JAK1: variants seen among roughly 807,000 people sequenced by gnomAD.
JAK1 encodes tyrosine-protein kinase JAK1.
JAK1 carries 16 observed loss-of-function variants against 136.6 expected under a neutral mutation model. The ratio of observed to expected loss-of-function variants is 0.12; its 90% CI spans 0.08 to 0.18. The LOEUF (loss-of-function observed/expected upper bound fraction) is 0.18, where lower values mean the gene tolerates loss of function less well. Among genes scored for constraint, JAK1 ranks in the 10% least tolerant of loss-of-function variants. The pLI, the probability that JAK1 is intolerant of heterozygous loss-of-function variation, is 1.00. For missense variants in JAK1, 859 were observed against 1,450.1 expected (o/e 0.59, Z 6.62); for synonymous variants, 492 against 519.5 (o/e 0.95, Z 0.72).
chr1:65,021,904 A>G (rs1646940994), intron 2 of JAK1, among the ~76,000 whole-genome samples: 1 of 152,162 alleles, frequency 6.6e-6, no homozygotes, highest in South Asian at 2.1e-4. Flanking sequence ...CAGCCTCCTG[A>G]CTTTCAGACT....
At chr1:64,979,406 A>C (rs1025117238) in intron 2 of JAK1, among the ~76,000 whole-genome samples, 1 of 152,210 alleles carries the variant, frequency 6.6e-6, no homozygotes, top group African/African-American at 2.4e-5. Flanking sequence ...TTCTAAAAAA[A>C]AGAAATAAAA....
chr1:64,899,729 C>A (rs1204140687), intron 1 of JAK1, among the ~76,000 whole-genome samples: 1 of 152,186 alleles, frequency 6.6e-6, no homozygotes, highest in Non-Finnish European at 1.5e-5. Flanking sequence ...TGGTCTCAAG[C>A]ATTTCAGATA....
intron 2 of JAK1, among the ~76,000 whole-genome samples, chr1:65,006,226 T>C (rs1178661649): frequency 6.6e-6 from 1 of 152,264 alleles, no homozygotes. Flanking sequence ...TAGTTCACTA[T>C]GTCATAAACT....
chr1:64,925,254 A>G (rs1220889237), intron 1 of JAK1, among the ~76,000 whole-genome samples: 1 of 151,922 alleles, frequency 6.6e-6, no homozygotes, highest in African/African-American at 2.4e-5. Context: ...AAAAAATACA[A>G]AAAGTTAGCA....
intron 2 of JAK1, among the ~76,000 whole-genome samples, chr1:64,980,232 G>A (rs1318397139): frequency 6.6e-6 from 1 of 152,146 alleles, no homozygotes; most frequent in Non-Finnish European, 1.5e-5. Context: ...CCTGGACTGT[G>A]GAAGTGTAAA....
chr1:64,995,745 T>G (rs1274174161), intron 2 of JAK1, among the ~76,000 whole-genome samples: 2 of 152,178 alleles, frequency 1.3e-5, no homozygotes, highest in Admixed American at 1.3e-4. Flanking sequence ...TTTTGTTTTG[T>G]TTTGTTTTTG....
chr1:64,843,983 C>G, intron 17 of JAK1, 81 bp downstream of exon 17: 2 of 1,526,588 alleles, frequency 1.3e-6, no homozygotes, highest in South Asian at 2.4e-5. Context: ...CCCACAGTGC[C>G]AGGCTTCCGA....
intron 2 of JAK1, among the ~76,000 whole-genome samples, chr1:65,030,148 T>C (rs1460205096): frequency 6.6e-6 from 1 of 152,080 alleles, no homozygotes; most frequent in Non-Finnish European, 1.5e-5. Context: ...ATACCAGCAC[T>C]CTCTCTGCAA....
chr1:65,026,116 CTT>C (rs1321595951), intron 2 of JAK1, among the ~76,000 whole-genome samples: 2 of 152,186 alleles, frequency 1.3e-5, no homozygotes, highest in African/African-American at 4.8e-5. Context: ...TGGGTCATAA[CTT>C]TGTCTACATG....
chr1:64,890,501 G>A (rs899841778), intron 1 of JAK1, among the ~76,000 whole-genome samples: 1 of 152,184 alleles, frequency 6.6e-6, no homozygotes, highest in Non-Finnish European at 1.5e-5. Flanking sequence ...ATCCTGCCTA[G>A]AGGGTTGGTA....
Position 64,839,793 on chromosome 1 carries a change from G to A in JAK1, c.2652C>T (p.Gly884=), listed in dbSNP as rs779962031. Residue 884 remains glycine (G), a splice_region_variant and synonymous_variant, in exon 20 of 25, where the codon GGC becomes GGT. Coordinates refer to ENST00000342505, the MANE Select transcript of JAK1 (RefSeq NM_002227.4). ...TGCAGAGCTCAACCTTCCCAAAGTG[G>A]CCCTGGAGGGAAAGATGCATGTGCT... ...FLKRIRDLGE[G]HFGKVELCRY... 1.4e-5 allele frequency: 22 copies of A among 1,602,452 alleles called. No homozygotes were observed. In the Admixed American group the frequency reaches 3.8e-4, roughly 28 times the overall value.
intron 21 of JAK1, 59 bp downstream of exon 21, chr1:64,838,406 A>T (rs1244642748): frequency 3.2e-6 from 5 of 1,565,158 alleles, no homozygotes; most frequent in South Asian, 1.2e-5. Context: ...TTACAAACCA[A>T]TTACCCAGGA....
chr1:64,977,620 C>T (rs777825315), intron 2 of JAK1, among the ~76,000 whole-genome samples: 13 of 151,964 alleles, frequency 8.6e-5, no homozygotes, highest in African/African-American at 2.2e-4. Flanking sequence ...TTAATAGAGA[C>T]GGGGGTTTCA....
intron 1 of JAK1, among the ~76,000 whole-genome samples, chr1:64,895,796 C>A (rs190422167): frequency 3.3e-5 from 5 of 152,314 alleles, no homozygotes; most frequent in African/African-American, 9.6e-5. Context: ...TAAAATTCTG[C>A]CAAACCACTC....
At chr1:64,962,155 C>T (rs1281876612) in intron 1 of JAK1, among the ~76,000 whole-genome samples, 3 of 152,164 alleles carry the variant, frequency 2.0e-5, no homozygotes, top group African/African-American at 7.2e-5. Context: ...ACTGTAAATT[C>T]CACACGAGGA....
chr1:64,987,216 T>A (rs1436549138), intron 2 of JAK1: 1 of 152,198 alleles, frequency 6.6e-6, no homozygotes, highest in African/African-American at 2.4e-5. Flanking sequence ...CTTTCCCTTA[T>A]CACAATCCAT....
intron 2 of JAK1, among the ~76,000 whole-genome samples, chr1:65,026,295 A>G (rs1201174967): frequency 6.6e-6 from 1 of 152,182 alleles, no homozygotes; most frequent in Non-Finnish European, 1.5e-5. Flanking sequence ...AACACCGAGA[A>G]TGGTTTCTGG....
chr1:64,964,928 T>C (rs578031490), intron 1 of JAK1, among the ~76,000 whole-genome samples: 20 of 152,116 alleles, frequency 1.3e-4, no homozygotes, highest in Admixed American at 1.2e-3. Flanking sequence ...AAAGAACACA[T>C]TGATCCTTCA....
At position 64,833,480 on chromosome 1, in the gene JAK1, CA is replaced by C. The variant is rs2100918019; in HGVS notation, c.*1081del. On this transcript the variant is annotated 3_prime_UTR_variant, in exon 25 of 25. Transcript: ENST00000342505. Reference sequence around the variant, plus strand: ...AAGACCGTAATCGTTCACATTGAATCAATGACTAAACATTTTTGATTACCCA... The same window carrying C: ...AAGACCGTAATCGTTCACATTGAATCATGACTAAACATTTTTGATTACCCA... The C allele has an allele frequency of 4.3e-6, 1 of 233,088 alleles. No individual in the cohort carries two copies. Among genetic ancestry groups the C allele is most frequent in the East Asian group, 6.0e-5 (1 of 16,542 alleles). The allele number at this position is 233,088 out of a possible 1,614,324, so 14.4% of individuals were successfully genotyped here.
Sources: allele counts gnomAD v4.1 joint callset (sites outside exome capture counted in the v4.1 genomes callset), GRCh38; gene constraint gnomAD v4.1.1; transcripts MANE v1.5; gene names NCBI Gene and HGNC (gene_info 2026-07-23, HGNC 2026-07-21).